The following CCDC91 variants were observed in gnomAD, a reference collection of about 807,000 sequenced individuals.
CCDC91 encodes coiled-coil domain-containing protein 91.
CCDC91 carries 48 observed loss-of-function variants against 63.2 expected under a neutral mutation model. That is an observed-to-expected ratio of 0.76 (90% CI 0.60 to 0.97). The LOEUF (loss-of-function observed/expected upper bound fraction) is 0.97, where lower values mean the gene tolerates loss of function less well. Among genes scored for constraint, CCDC91 ranks in the 50% least tolerant of loss-of-function variants. The probability of loss-of-function intolerance (pLI) is 0.00; values close to 1 mark genes in which losing one functional copy is unlikely to be tolerated. For synonymous variants in CCDC91, 167 were observed against 165.8 expected (o/e 1.01, Z -0.06); for missense variants, 500 against 494.6 (o/e 1.01, Z -0.10).
chr12:28,497,171 A>G (rs1247286139), intron 12 of CCDC91, among the ~76,000 whole-genome samples: 1 of 151,300 alleles, frequency 6.6e-6, no homozygotes. Flanking sequence ...AGTCCTTGGC[A>G]TCATCTGTTC....
At chr12:28,495,454 A>G (rs78155695) in intron 12 of CCDC91, among the ~76,000 whole-genome samples, 4,385 of 151,718 alleles carry the variant, frequency 0.029, 102 homozygotes, top group Middle Eastern at 0.044. Context: ...TTACAACTCA[A>G]CCATGCTAGC....
intron 1 of CCDC91, among the ~76,000 whole-genome samples, chr12:28,243,002 A>G (rs1263095162): frequency 6.6e-6 from 1 of 150,832 alleles, no homozygotes; most frequent in Non-Finnish European, 1.5e-5. Flanking sequence ...AGATGCCAAC[A>G]TTGTTTCCTG....
intron 3 of CCDC91, among the ~76,000 whole-genome samples, chr12:28,303,929 A>G (rs1411043988): frequency 2.0e-5 from 3 of 152,132 alleles, no homozygotes; most frequent in African/African-American, 7.2e-5. Context: ...AAATTATGAT[A>G]CAGAATTAGA....
intron 1 of CCDC91, among the ~76,000 whole-genome samples, chr12:28,250,953 A>AGTGTGTGTGT (rs3064712): frequency 1.4e-5 from 2 of 145,436 alleles, no homozygotes; most frequent in African/African-American, 2.5e-5. Context: ...TTAAGGTTTG[A>AGTGTGTGTGT]GTGTGTGTGT....
chr12:28,317,160 T>A (rs1939982400), intron 6 of CCDC91, among the ~76,000 whole-genome samples: 1 of 152,022 alleles, frequency 6.6e-6, no homozygotes, highest in African/African-American at 2.4e-5. Flanking sequence ...ATTGATGGTT[T>A]GTCTTCACCT....
chr12:28,254,917 G>A (rs1452892987), intron 1 of CCDC91, among the ~76,000 whole-genome samples: 1 of 151,768 alleles, frequency 6.6e-6, no homozygotes, highest in African/African-American at 2.4e-5. Context: ...GATTACAGTC[G>A]TGTGCCACCA....
At chr12:28,432,654 T>G (rs898734018) in intron 8 of CCDC91, among the ~76,000 whole-genome samples, 2 of 152,144 alleles carry the variant, frequency 1.3e-5, no homozygotes, top group Admixed American at 1.3e-4. Flanking sequence ...CTGCCAAGTT[T>G]TGGCAATAGA....
chr12:28,447,743 CAGGGG>C (rs1429987489), intron 8 of CCDC91, among the ~76,000 whole-genome samples: 6 of 61,634 alleles, frequency 9.7e-5, no homozygotes, highest in Admixed American at 1.8e-4. Flanking sequence ...CAGGGCAGGG[CAGGGG>C]AGGGGAGGGG....
At chr12:28,365,791 A>G (rs1013807111) in intron 7 of CCDC91, among the ~76,000 whole-genome samples, 28 of 152,218 alleles carry the variant, frequency 1.8e-4, no homozygotes, top group Admixed American at 5.9e-4. Flanking sequence ...TTCAGTTTTC[A>G]GGGCTTCACA....
chr12:28,192,977 G>T (rs1941392837), intron 1 of CCDC91, among the ~76,000 whole-genome samples: 1 of 152,102 alleles, frequency 6.6e-6, no homozygotes, highest in Non-Finnish European at 1.5e-5. Flanking sequence ...TTTCTGGTAT[G>T]TTATGTAAAT....
intron 6 of CCDC91, among the ~76,000 whole-genome samples, chr12:28,341,595 T>A (rs1942428825): frequency 6.6e-6 from 1 of 152,248 alleles, no homozygotes; most frequent in Admixed American, 6.5e-5. Context: ...GAAATTAGGA[T>A]GTACTTGTTT....
At chr12:28,407,885 A>G (rs972517033) in intron 8 of CCDC91, among the ~76,000 whole-genome samples, 3 of 151,444 alleles carry the variant, frequency 2.0e-5, no homozygotes, top group South Asian at 4.2e-4. Context: ...TTCAATTTCA[A>G]TTATCTCATG....
At chr12:28,494,081 G>A (rs1952156416) in intron 12 of CCDC91, among the ~76,000 whole-genome samples, 1 of 151,618 alleles carries the variant, frequency 6.6e-6, no homozygotes, top group African/African-American at 2.4e-5. Context: ...CTTTTCAAAG[G>A]GATAAGATTT....
Position 28,295,245 on chromosome 12 carries a change from T to G in CCDC91, c.110-10404T>G, listed in dbSNP as rs12579693. Among the ~76,000 whole-genome samples the G allele has an allele frequency of 4.3e-3, 652 of 152,332 alleles. 12 individuals carry two copies. The South Asian group carries it at 0.073, about 17-fold the overall frequency. On this transcript the variant is annotated intron_variant, in intron 3 of 12. Coordinates refer to ENST00000536442, the MANE Select transcript of CCDC91 (RefSeq NM_018318.5). ...TGAAGTGATTATAACATTTGCCTGG[T>G]TCCCTCATTGTGTGAGTAGACTAAA...
intron 1 of CCDC91, among the ~76,000 whole-genome samples, chr12:28,252,494 T>A (rs756949794): frequency 6.6e-6 from 1 of 151,990 alleles, no homozygotes. Context: ...AAAGAAAATT[T>A]CCTTAATTTT....
intron 8 of CCDC91, among the ~76,000 whole-genome samples, chr12:28,436,288 C>T (rs1332110789): frequency 6.6e-6 from 1 of 151,280 alleles, no homozygotes; most frequent in East Asian, 1.9e-4. Flanking sequence ...TTTATGGTTG[C>T]CTTAAAGTTT....
chr12:28,277,555 G>T (rs1948324951), intron 3 of CCDC91, among the ~76,000 whole-genome samples: 1 of 151,962 alleles, frequency 6.6e-6, no homozygotes, highest in African/African-American at 2.4e-5. Flanking sequence ...TTGGATTTGG[G>T]ACTGTCAAAT....
chr12:28,370,208 A>T (rs1469182169), intron 7 of CCDC91, among the ~76,000 whole-genome samples: 1 of 152,194 alleles, frequency 6.6e-6, no homozygotes, highest in Non-Finnish European at 1.5e-5. Context: ...TTCCAATGTG[A>T]GATCATCTCT....
intron 12 of CCDC91, among the ~76,000 whole-genome samples, chr12:28,497,097 C>G (rs976025699): frequency 2.0e-5 from 3 of 150,908 alleles, no homozygotes; most frequent in African/African-American, 7.3e-5. Context: ...ACCAAGTTTA[C>G]TAAAAAAAGA....
Sources: allele counts gnomAD v4.1 joint callset (sites outside exome capture counted in the v4.1 genomes callset), GRCh38; gene constraint gnomAD v4.1.1; transcripts MANE v1.5; gene names NCBI Gene and HGNC (gene_info 2026-07-23, HGNC 2026-07-21).